The following ASTN2 variants were observed in gnomAD, a reference collection of about 807,000 sequenced individuals.
The protein encoded by ASTN2 is astrotactin-2.
A neutral mutation model predicts 139.8 loss-of-function variants in ASTN2; 54 were observed. The ratio of observed to expected loss-of-function variants is 0.39; its 90% CI spans 0.31 to 0.48. ASTN2 has a LOEUF of 0.48. Ranked by LOEUF, ASTN2 falls within the 20% of genes least tolerant of loss-of-function variation. The pLI, the probability that ASTN2 is intolerant of heterozygous loss-of-function variation, is 0.95. For missense variants in ASTN2, 1,565 were observed against 1,725.1 expected, an observed-to-expected ratio of 0.91 and a Z score of 1.64; for synonymous variants, 756 against 719.5, an observed-to-expected ratio of 1.05 and a Z score of -0.81.
chr9:116,714,562 C>G (rs151090540), intron 16 of ASTN2, among the ~76,000 whole-genome samples: 17 of 152,254 alleles, frequency 1.1e-4, no homozygotes, highest in African/African-American at 4.1e-4. Flanking sequence ...GCAAGATAAG[C>G]ATAATTATAC....
chr9:116,586,899 T>A (rs1039523845), intron 19 of ASTN2, among the ~76,000 whole-genome samples: 1 of 150,790 alleles, frequency 6.6e-6, no homozygotes, highest in Non-Finnish European at 1.5e-5. Context: ...ATGAGATCTT[T>A]ATGGACAAAA....
intron 3 of ASTN2, among the ~76,000 whole-genome samples, chr9:117,166,164 T>C (rs1341541449): frequency 6.6e-6 from 1 of 152,126 alleles, no homozygotes; most frequent in African/African-American, 2.4e-5. Flanking sequence ...ATACCAAGCA[T>C]CTGCATAACA....
chr9:116,901,039 G>A (rs1433428494), intron 10 of ASTN2, among the ~76,000 whole-genome samples: 1 of 151,974 alleles, frequency 6.6e-6, no homozygotes, highest in Non-Finnish European at 1.5e-5. Flanking sequence ...GAGTGGCTGT[G>A]GTTGCAATTT....
chr9:117,002,496 A>T (rs540555862), intron 7 of ASTN2, among the ~76,000 whole-genome samples: 2 of 152,164 alleles, frequency 1.3e-5, no homozygotes, highest in African/African-American at 2.4e-5. Context: ...TTGGAATAAG[A>T]GAGTAAGACC....
intron 10 of ASTN2, among the ~76,000 whole-genome samples, chr9:116,884,144 C>T (rs1350331567): frequency 1.3e-5 from 2 of 152,060 alleles, no homozygotes; most frequent in Non-Finnish European, 2.9e-5. Flanking sequence ...TTGGTGAATT[C>T]CATCCCACAG....
intron 5 of ASTN2, among the ~76,000 whole-genome samples, chr9:117,095,525 C>G (rs1343579713): frequency 6.6e-6 from 1 of 152,128 alleles, no homozygotes; most frequent in East Asian, 1.9e-4. Flanking sequence ...AGGACTTTAC[C>G]TCTGGTCTGG....
At chr9:116,737,162 T>C (rs941212385) in intron 13 of ASTN2, among the ~76,000 whole-genome samples, 1 of 152,252 alleles carries the variant, frequency 6.6e-6, no homozygotes, top group Non-Finnish European at 1.5e-5. Flanking sequence ...AGCGACGGCA[T>C]GGTCTCTCGG....
chr9:117,380,192 C>T (rs1190971826), intron 1 of ASTN2, among the ~76,000 whole-genome samples: 1 of 152,174 alleles, frequency 6.6e-6, no homozygotes, highest in Non-Finnish European at 1.5e-5. Flanking sequence ...AGGGTTCTAC[C>T]TTCCTTGAGC....
At chr9:117,364,274 A>G (rs562092203) in intron 1 of ASTN2, among the ~76,000 whole-genome samples, 1 of 152,286 alleles carries the variant, frequency 6.6e-6, no homozygotes, top group East Asian at 1.9e-4. Context: ...AAGCCGATTA[A>G]TATCTCTACC....
chr9:117,390,248 T>C (rs1410561135), intron 1 of ASTN2, among the ~76,000 whole-genome samples: 2 of 152,152 alleles, frequency 1.3e-5, no homozygotes, highest in African/African-American at 4.8e-5. Flanking sequence ...AGAATTCCAA[T>C]ATCCTAACTC....
At chr9:116,941,192 A>G (rs564048881) in intron 10 of ASTN2, among the ~76,000 whole-genome samples, 10 of 147,578 alleles carry the variant, frequency 6.8e-5, no homozygotes, top group Non-Finnish European at 1.2e-4. Flanking sequence ...TTTGAGATCC[A>G]TTAAGACTTG....
intron 1 of ASTN2, among the ~76,000 whole-genome samples, chr9:117,395,836 G>GA (rs148143801): frequency 0.014 from 2,065 of 152,222 alleles, 43 homozygotes; most frequent in African/African-American, 0.047. Flanking sequence ...GTCCCAGATG[G>GA]AAAAAATATT....
chr9:117,059,457 C>CA (rs200302698), intron 5 of ASTN2, among the ~76,000 whole-genome samples: 5,722 of 151,992 alleles, frequency 0.038, 145 homozygotes, highest in Middle Eastern at 0.099. Flanking sequence ...ACTAAAAATA[C>CA]AAAAAATTAG....
At position 116,426,034 on chromosome 9, in the gene ASTN2, G is replaced by C. The variant is rs1279115868; in HGVS notation, c.3837C>G (p.Ser1279Arg). The change falls in exon 23 of 23, where the codon AGC becomes AGG. Residue 1279 changes from serine to arginine, a missense_variant. This residue lies in a region of ASTN2 where 418 missense variants were observed against 465.8 expected (regional missense o/e 0.90). Coordinates refer to ENST00000313400, the MANE Select transcript of ASTN2 (RefSeq NM_001365068.1). ...RLERVSSHCS[S>R]LLRSAYIQSR... ...TCTGGATGTAGGCACTCCGCAGGAG[G>C]CTGGAGCAGTGGCTACTCACCCTCT... is the stretch of plus-strand genomic sequence containing the variant. 6.2e-7 allele frequency: 1 copy of C among 1,614,018 alleles called. No individual in the cohort carries two copies. Among genetic ancestry groups the C allele is most frequent in the Non-Finnish European group, 8.5e-7 (1 of 1,180,014 alleles).
chr9:116,514,162 C>T (rs112315493), intron 19 of ASTN2, among the ~76,000 whole-genome samples: 1,903 of 151,448 alleles, frequency 0.013, 32 homozygotes, highest in African/African-American at 0.044. Flanking sequence ...ATGATGGTGA[C>T]GTACAGATGG....
chr9:116,693,868 C>T (rs572604510), intron 16 of ASTN2, among the ~76,000 whole-genome samples: 321 of 152,250 alleles, frequency 2.1e-3, no homozygotes, highest in Non-Finnish European at 3.4e-3. Flanking sequence ...CAGTAATGAC[C>T]AGATGTGCCC....
chr9:116,812,168 G>T lies in ASTN2; in HGVS notation c.2208-6348C>A, dbSNP rs189565210. Among the ~76,000 whole-genome samples the T allele has an allele frequency of 2.0e-5, 3 of 152,202 alleles. No individual in the cohort carries two copies. The East Asian group carries it at 5.8e-4, about 29-fold the overall frequency. On this transcript the variant is annotated intron_variant, in intron 12 of 22. Transcript: ENST00000313400. ...TGGAATGCTTTTGTATATATGACCTGGTTTGCTCCTTATAACCTGTAATAG... is the reference window on the plus strand; with the variant it reads ...TGGAATGCTTTTGTATATATGACCTTGTTTGCTCCTTATAACCTGTAATAG...
intron 6 of ASTN2, among the ~76,000 whole-genome samples, chr9:117,025,776 T>A (rs938021353): frequency 1.8e-4 from 27 of 149,570 alleles, no homozygotes; most frequent in African/African-American, 6.9e-4. Flanking sequence ...AATATTGTGG[T>A]TTTTCTTTTT....
intron 1 of ASTN2, among the ~76,000 whole-genome samples, chr9:117,308,431 G>A (rs1835058336): frequency 1.3e-5 from 2 of 152,122 alleles, no homozygotes; most frequent in African/African-American, 4.8e-5. Context: ...CTATTCTAAG[G>A]CACTAAATGC....
Sources: allele counts gnomAD v4.1 joint callset (sites outside exome capture counted in the v4.1 genomes callset), GRCh38; gene constraint gnomAD v4.1.1; regional missense constraint gnomAD v4.1.1; transcripts MANE v1.5; gene names NCBI Gene and HGNC (gene_info 2026-07-23, HGNC 2026-07-21).